GPC6: variants seen among roughly 807,000 people sequenced by gnomAD.
GPC6 encodes glypican-6.
In GPC6, 14 loss-of-function variants were observed where a neutral mutation model predicts 55.2. The observed-to-expected ratio is 0.25, with a 90% CI of 0.17 to 0.40. The LOEUF (loss-of-function observed/expected upper bound fraction) is 0.40, where lower values mean the gene tolerates loss of function less well. GPC6 is among the 10% of genes least tolerant of loss of function. The pLI is 1.00. For missense variants in GPC6, 641 were observed against 708.5 expected, an observed-to-expected ratio of 0.90 and a Z score of 1.08; for synonymous variants, 278 against 259.6, an observed-to-expected ratio of 1.07 and a Z score of -0.68.
chr13:93,250,028 A>G (rs1009621581), intron 1 of GPC6, among the ~76,000 whole-genome samples: 2 of 152,118 alleles, frequency 1.3e-5, no homozygotes, highest in African/African-American at 4.8e-5. Context: ...CTGACAGTCA[A>G]TCAAGTGGGA....
chr13:93,258,936 T>A (rs1423106525), intron 1 of GPC6, among the ~76,000 whole-genome samples: 1 of 151,994 alleles, frequency 6.6e-6, no homozygotes, highest in East Asian at 1.9e-4. Context: ...GGTGACAGAG[T>A]GAGACACTGT....
intron 3 of GPC6, among the ~76,000 whole-genome samples, chr13:93,959,484 T>C (rs1175764463): frequency 6.6e-6 from 1 of 152,188 alleles, no homozygotes; most frequent in African/African-American, 2.4e-5. Flanking sequence ...TTTTTATTGT[T>C]TCTTCTTACC....
intron 1 of GPC6, among the ~76,000 whole-genome samples, chr13:93,346,831 T>C (rs1334727594): frequency 6.6e-6 from 1 of 152,208 alleles, no homozygotes; most frequent in African/African-American, 2.4e-5. Flanking sequence ...TTTTGGATAG[T>C]GTATAGCATT....
intron 4 of GPC6, among the ~76,000 whole-genome samples, chr13:94,245,393 A>G (rs1566587475): frequency 2.6e-5 from 4 of 151,480 alleles, no homozygotes. Context: ...ACTCCACTCT[A>G]TATAAAATAA....
intron 2 of GPC6, among the ~76,000 whole-genome samples, chr13:93,633,770 G>A (rs867730925): frequency 2.6e-5 from 4 of 151,958 alleles, no homozygotes; most frequent in South Asian, 2.1e-4. Context: ...ATAGAAAGTC[G>A]GATTATGATT....
chr13:93,950,368 T>C (rs1262855103), intron 3 of GPC6, among the ~76,000 whole-genome samples: 1 of 152,216 alleles, frequency 6.6e-6, no homozygotes, highest in African/African-American at 2.4e-5. Context: ...CCTATTACTC[T>C]ATTTCACTGA....
chr13:93,394,025 A>G (rs1875751695), intron 1 of GPC6, among the ~76,000 whole-genome samples: 1 of 152,194 alleles, frequency 6.6e-6, no homozygotes, highest in Non-Finnish European at 1.5e-5. Context: ...TATTAAACTC[A>G]CATTTATGCT....
At chr13:93,899,539 G>A (rs2140325719) in intron 3 of GPC6, among the ~76,000 whole-genome samples, 1 of 151,928 alleles carries the variant, frequency 6.6e-6, no homozygotes, top group South Asian at 2.1e-4. Flanking sequence ...TCAGCAATAT[G>A]GTATATATTA....
At chr13:93,223,019 CTTTTTTT>C (rs3073915), upstream of GPC6, among the ~76,000 whole-genome samples, 6 of 100,814 alleles carry the variant, frequency 6.0e-5, no homozygotes, top group African/African-American at 1.9e-4. Context: ...AGGGAAAACA[CTTTTTTT>C]TTTTTTTTTT....
At chr13:93,523,941 G>A (rs1881549309) in intron 1 of GPC6, among the ~76,000 whole-genome samples, 1 of 151,914 alleles carries the variant, frequency 6.6e-6, no homozygotes, top group Non-Finnish European at 1.5e-5. Flanking sequence ...TAAGCCTGTG[G>A]CAACCTGGGA....
chr13:93,375,202 C>G (rs958886868), intron 1 of GPC6, among the ~76,000 whole-genome samples: 2 of 152,132 alleles, frequency 1.3e-5, no homozygotes, highest in African/African-American at 4.8e-5. Flanking sequence ...CATTAAAAGT[C>G]TGGGTCTATT....
At chr13:94,048,698 G>A (rs1883822177) in intron 4 of GPC6, among the ~76,000 whole-genome samples, 1 of 151,996 alleles carries the variant, frequency 6.6e-6, no homozygotes, top group African/African-American at 2.4e-5. Context: ...TTTTGGTCTG[G>A]TCGCAGGAGG....
At chr13:93,659,578 G>C (rs187349073) in intron 2 of GPC6, among the ~76,000 whole-genome samples, 5 of 152,098 alleles carry the variant, frequency 3.3e-5, no homozygotes, top group Middle Eastern at 3.4e-3. Flanking sequence ...AAGCAGCAAT[G>C]CAGATCAATC....
chr13:93,861,959 G>T (rs1268230735), intron 3 of GPC6, among the ~76,000 whole-genome samples: 8 of 151,650 alleles, frequency 5.3e-5, no homozygotes. Context: ...CCTGCCCTGA[G>T]CTGCTGCTAG....
chr13:93,947,689 A>C (rs1370883821), intron 3 of GPC6, among the ~76,000 whole-genome samples: 2 of 152,160 alleles, frequency 1.3e-5, no homozygotes, highest in Non-Finnish European at 2.9e-5. Flanking sequence ...GCTTAGCATC[A>C]AGATTGATTC....
chr13:94,032,560 T>C (rs1009379578), intron 4 of GPC6, among the ~76,000 whole-genome samples: 1 of 152,170 alleles, frequency 6.6e-6, no homozygotes, highest in Non-Finnish European at 1.5e-5. Flanking sequence ...TGCTCGTTTG[T>C]TTTATTTTTG....
At position 94,019,323 on chromosome 13, in the gene GPC6, G is replaced by A. The variant is rs138182752; in HGVS notation, c.712-8406G>A. ...TCTTTCCAGGGATTTTTTGTATTAAGGTTATATAATTTGTGGGTGTATATT... is the reference window on the plus strand; with the variant it reads ...TCTTTCCAGGGATTTTTTGTATTAAAGTTATATAATTTGTGGGTGTATATT... On this transcript the variant is annotated intron_variant, in intron 3 of 8. Transcript: ENST00000377047. 5.3e-3 allele frequency among the ~76,000 whole-genome samples: 805 copies of A among 152,138 alleles called. 6 individuals are homozygous for A. The highest frequency in any genetic ancestry group is 0.01 in the Admixed American group (159 of 15,262).
chr13:93,329,573 A>G (rs1363015923), intron 1 of GPC6, among the ~76,000 whole-genome samples: 1 of 152,210 alleles, frequency 6.6e-6, no homozygotes, highest in African/African-American at 2.4e-5. Context: ...CAACTTTATA[A>G]GTGAATAGTC....
At chr13:93,627,422 T>G (rs965725888) in intron 2 of GPC6, among the ~76,000 whole-genome samples, 1 of 152,166 alleles carries the variant, frequency 6.6e-6, no homozygotes, top group Admixed American at 6.6e-5. Context: ...AGGGAGATGT[T>G]GTTAAACCAT....
Sources: gnomAD v4.1 joint callset for allele counts (sites outside exome capture counted in the v4.1 genomes callset) on GRCh38, gnomAD v4.1.1 for gene constraint, MANE v1.5 for transcripts, NCBI Gene and HGNC (gene_info 2026-07-23, HGNC 2026-07-21) for gene names.